OSBP2: variants seen among roughly 807,000 people sequenced by gnomAD.
OSBP2 encodes oxysterol binding protein 2, also known as oxysterol-binding protein 2.
A neutral mutation model predicts 96.0 loss-of-function variants in OSBP2; 66 were observed. The ratio of observed to expected loss-of-function variants is 0.69; its 90% CI spans 0.56 to 0.84. The LOEUF is 0.84. Among genes scored for constraint, OSBP2 ranks in the 40% least tolerant of loss-of-function variants. The pLI is 0.00. For synonymous variants in OSBP2, 525 were observed against 520.9 expected (o/e 1.01, Z -0.11); for missense variants, 1,038 against 1,222.7 (o/e 0.85, Z 2.25).
chr22:30,785,850 G>A (rs2090581543), intron 2 of OSBP2, among the ~76,000 whole-genome samples: 1 of 152,156 alleles, frequency 6.6e-6, no homozygotes, highest in African/African-American at 2.4e-5. Context: ...CTCTCCTGCT[G>A]CCTTGTGAAG....
intron 2 of OSBP2, among the ~76,000 whole-genome samples, chr22:30,838,808 TTTG>T (rs145059026): frequency 0.062 from 9,446 of 151,954 alleles, 395 homozygotes; most frequent in Non-Finnish European, 0.092. Flanking sequence ...CTCAAGGTTT[TTTG>T]TTGTTGTTGT....
Position 30,893,107 on chromosome 22 carries a change from T to C in OSBP2, c.1870-15T>C, listed in dbSNP as rs377669397. The stretch of plus-strand genomic sequence containing the variant: ...ATGTCTGGCAGATGCTCACATCCTA[T>C]GGGTCTGGTCTCAGGTGAGCCACCA... On this transcript the variant is annotated splice_polypyrimidine_tract_variant and intron_variant, in intron 8 of 13. Coordinates refer to ENST00000332585, the MANE Select transcript of OSBP2 (RefSeq NM_030758.4). The C allele has an allele frequency of 6.8e-6, 11 of 1,613,304 alleles. No homozygotes were observed. The East Asian group carries it at 8.9e-5, about 13-fold the overall frequency.
chr22:30,850,817 T>G (rs2038966265), intron 2 of OSBP2, among the ~76,000 whole-genome samples: 1 of 152,202 alleles, frequency 6.6e-6, no homozygotes, highest in South Asian at 2.1e-4. Flanking sequence ...TATATAGATT[T>G]AAGAATTGGC....
intron 2 of OSBP2, among the ~76,000 whole-genome samples, chr22:30,753,639 CG>C (rs2090105141): frequency 6.6e-6 from 1 of 152,050 alleles, no homozygotes; most frequent in Admixed American, 6.6e-5. Context: ...CAGGCCAAAC[CG>C]TCTTTGGTCA....
intron 1 of OSBP2, among the ~76,000 whole-genome samples, chr22:30,703,642 A>G (rs554703114): frequency 2.7e-4 from 41 of 151,774 alleles, no homozygotes; most frequent in Admixed American, 7.9e-4. Flanking sequence ...TGCCCTGCTA[A>G]TTTTTGTATT....
At chr22:30,751,611 T>G (rs2090074550) in intron 2 of OSBP2, among the ~76,000 whole-genome samples, 1 of 152,152 alleles carries the variant, frequency 6.6e-6, no homozygotes, top group South Asian at 2.1e-4. Flanking sequence ...TGCCTTGGCC[T>G]CCCAAAGTAC....
chr22:30,853,218 G>A (rs1418374469), intron 2 of OSBP2, among the ~76,000 whole-genome samples: 1 of 152,080 alleles, frequency 6.6e-6, no homozygotes, highest in Admixed American at 6.5e-5. Flanking sequence ...TTATCGTATT[G>A]AAACCACTAA....
rs77527686 is a variant in OSBP2 at position 30,743,857 on chromosome 22, G to T, written c.853+2488G>T. ...GGAGGTGAGGGCGGGGAGGAAGGAA[G>T]TGCTTGTTAACTCAGCTGGGCAGTG... On this transcript the variant is annotated intron_variant, in intron 2 of 13. Coordinates refer to ENST00000332585, the MANE Select transcript of OSBP2 (RefSeq NM_030758.4). Among the ~76,000 whole-genome samples the T allele has an allele frequency of 7.8e-3, 1,186 of 152,238 alleles. 14 individuals carry two copies. Among genetic ancestry groups the T allele is most frequent in the African/African-American group, 0.026 (1,079 of 41,520 alleles).
intron 1 of OSBP2, among the ~76,000 whole-genome samples, chr22:30,705,246 ACACTTGC>A (rs1273317534): frequency 6.6e-6 from 1 of 151,910 alleles, no homozygotes; most frequent in African/African-American, 2.4e-5. Context: ...TGACTGGGGT[ACACTTGC>A]CACATGGACC....
chr22:30,694,268 G>C, upstream of OSBP2: 1 of 1,549,910 alleles, frequency 6.5e-7, no homozygotes, highest in African/African-American at 1.4e-5. Flanking sequence ...TAGGCCAGCT[G>C]GCTCAGGAGG....
chr22:30,759,855 A>G (rs555302370), intron 2 of OSBP2, among the ~76,000 whole-genome samples: 1 of 152,152 alleles, frequency 6.6e-6, no homozygotes, highest in African/African-American at 2.4e-5. Context: ...TTTCTTTTTT[A>G]ATTTTTCTTT....
At chr22:30,850,627 G>C (rs914364363) in intron 2 of OSBP2, among the ~76,000 whole-genome samples, 3 of 152,060 alleles carry the variant, frequency 2.0e-5, no homozygotes, top group Non-Finnish European at 4.4e-5. Context: ...AGCCTCCCAA[G>C]TAACTGGGAT....
intron 1 of OSBP2, among the ~76,000 whole-genome samples, chr22:30,704,583 C>G (rs1322907954): frequency 6.7e-6 from 1 of 150,068 alleles, no homozygotes; most frequent in Non-Finnish European, 1.5e-5. Flanking sequence ...GTGGTGCAGT[C>G]TCAGTTCACT....
At chr22:30,821,673 G>A (rs1034044253) in intron 2 of OSBP2, among the ~76,000 whole-genome samples, 90 of 152,202 alleles carry the variant, frequency 5.9e-4, no homozygotes, top group African/African-American at 2.0e-3. Context: ...GCTGCCTGGC[G>A]GAGGCGGTGG....
intron 3 of OSBP2, among the ~76,000 whole-genome samples, chr22:30,878,096 G>A (rs2039622039): frequency 6.6e-6 from 1 of 152,242 alleles, no homozygotes; most frequent in South Asian, 2.1e-4. Context: ...TGCGCACTGG[G>A]AGCCACAGGA....
intron 2 of OSBP2, among the ~76,000 whole-genome samples, chr22:30,838,167 C>T (rs938825777): frequency 8.5e-5 from 13 of 152,142 alleles, no homozygotes; most frequent in African/African-American, 7.2e-5. Flanking sequence ...CAGGATTCCT[C>T]GTGTGGCAGC....
At chr22:30,879,645 C>T (rs2039658747) in intron 3 of OSBP2, among the ~76,000 whole-genome samples, 1 of 152,212 alleles carries the variant, frequency 6.6e-6, no homozygotes, top group East Asian at 1.9e-4. Context: ...AGCACTTCCC[C>T]TTGTGGCTCC....
At chr22:30,712,395 C>T (rs898121753) in intron 1 of OSBP2, among the ~76,000 whole-genome samples, 1 of 152,104 alleles carries the variant, frequency 6.6e-6, no homozygotes, top group Non-Finnish European at 1.5e-5. Flanking sequence ...AGGAGAGTGC[C>T]AGATGTGTAT....
rs147913573 is a variant in OSBP2 at position 30,879,244 on chromosome 22, G to A, written c.1108-8182G>A. On this transcript the variant is annotated intron_variant, in intron 3 of 13. Transcript: ENST00000332585. The stretch of plus-strand genomic sequence containing the variant: ...GCAGGTTTCTGCCCAGCTGACCACC[G>A]TCCTGCTCTGACAGCTTGCTCATCC... Among the ~76,000 whole-genome samples the A allele has an allele frequency of 4.1e-3, 623 of 152,324 alleles. 2 individuals carry two copies. The highest frequency in any genetic ancestry group is 0.014 in the East Asian group (74 of 5,174).
Sources: gnomAD v4.1 joint callset for allele counts (sites outside exome capture counted in the v4.1 genomes callset) on GRCh38, gnomAD v4.1.1 for gene constraint, MANE v1.5 for transcripts, NCBI Gene and HGNC (gene_info 2026-07-23, HGNC 2026-07-21) for gene names.